Variants in CAPN7 observed in about 807,000 individuals in gnomAD.
The protein encoded by CAPN7 is calpain 7.
CAPN7 carries 72 observed loss-of-function variants against 115.2 expected under a neutral mutation model. The observed-to-expected ratio is 0.63, with a 90% CI of 0.52 to 0.76. CAPN7 has a LOEUF of 0.76. CAPN7 is among the 30% of genes least tolerant of loss of function. The probability of loss-of-function intolerance (pLI) is 0.00; values close to 1 mark genes in which losing one functional copy is unlikely to be tolerated. For synonymous variants in CAPN7, 344 were observed against 322.3 expected, an observed-to-expected ratio of 1.07 and a Z score of -0.72; for missense variants, 905 against 971.5, an observed-to-expected ratio of 0.93 and a Z score of 0.91.
At position 15,252,602 on chromosome 3, in the gene CAPN7, T is replaced by A. The variant is rs1696049954; in HGVS notation, c.*1342T>A. The A allele has an allele frequency of 6.6e-6, 1 of 152,158 alleles. No individual in the cohort carries two copies. Among genetic ancestry groups the A allele is most frequent in the Non-Finnish European group, 1.5e-5 (1 of 68,034 alleles). The allele number at this position is 152,158 out of a possible 1,614,324, so 9.4% of individuals were successfully genotyped here. ...TGATTTGAACCTGTTGTGGTAAAGA[T>A]CTTGTACAGGATGCAAACTAAAAAC... On this transcript the variant is annotated 3_prime_UTR_variant, in exon 21 of 21. Transcript: ENST00000253693.
At chr3:15,245,218 C>CT (rs1199911204) in intron 16 of CAPN7, among the ~76,000 whole-genome samples, 1 of 150,724 alleles carries the variant, frequency 6.6e-6, no homozygotes, top group African/African-American at 2.4e-5. Flanking sequence ...CTAATCCTGA[C>CT]TTTAAGATCC....
At position 15,247,311 on chromosome 3, in the gene CAPN7, C is replaced by T; in HGVS notation, c.2074-16C>T. On this transcript the variant is annotated splice_polypyrimidine_tract_variant and intron_variant, in intron 18 of 20. Coordinates refer to ENST00000253693, the MANE Select transcript of CAPN7 (RefSeq NM_014296.3). The stretch of plus-strand genomic sequence containing the variant: ...AAATGAAATTTTGTTAATACTAAAA[C>T]TTTTGTTTTTATTAGATTAATGGAA... 1 of 1,486,570 alleles carries T rather than the reference C, an allele frequency of 6.7e-7. No individual in the cohort carries two copies. 92.1% of individuals were successfully genotyped at this position (1,486,570 alleles called of 1,614,324 possible).
chr3:15,224,548 C>T (rs954066991), intron 6 of CAPN7, among the ~76,000 whole-genome samples: 1 of 151,896 alleles, frequency 6.6e-6, no homozygotes, highest in Non-Finnish European at 1.5e-5. Flanking sequence ...GCTGGGATTA[C>T]AGATGTGAGC....
intron 2 of CAPN7, 37 bp from the exon 3 acceptor site, chr3:15,217,388 A>G (rs763078779): frequency 1.3e-6 from 2 of 1,510,766 alleles, no homozygotes; most frequent in East Asian, 2.4e-5. Context: ...CTGTATTTAG[A>G]TAATACTCCT....
intron 6 of CAPN7, among the ~76,000 whole-genome samples, chr3:15,224,951 T>C (rs1048260263): frequency 6.6e-6 from 1 of 152,222 alleles, no homozygotes; most frequent in Non-Finnish European, 1.5e-5. Flanking sequence ...TGAGAAACTT[T>C]ATAGCATTAA....
intron 1 of CAPN7, chr3:15,211,059 G>A: frequency 2.1e-6 from 1 of 467,514 alleles, no homozygotes; most frequent in South Asian, 7.6e-5. Flanking sequence ...TGGAATAACT[G>A]GAAGAAGAAT....
rs1227516051 is a variant in CAPN7, at chr3:15,252,092, G to GA, written c.*833dup. ...AGAGAATTTAATATATGGTGATTGG[G>GA]ATATGTAGCATTCAAAAAAAGTGAA... On this transcript the variant is annotated 3_prime_UTR_variant, in exon 21 of 21. Coordinates refer to ENST00000253693, the MANE Select transcript of CAPN7 (RefSeq NM_014296.3). 13 of 152,668 alleles carry GA rather than the reference G, an allele frequency of 8.5e-5. No individual in the cohort carries two copies. Among genetic ancestry groups the GA allele is most frequent in the African/African-American group, 3.1e-4 (13 of 41,554 alleles). 9.5% of individuals were successfully genotyped at this position (152,668 alleles called of 1,614,324 possible). A position where few individuals can be genotyped will look rare whatever the true frequency, so the allele number is the denominator to read the frequency against.
chr3:15,243,668 C>T (rs1695485988), intron 16 of CAPN7, among the ~76,000 whole-genome samples: 1 of 152,028 alleles, frequency 6.6e-6, no homozygotes, highest in African/African-American at 2.4e-5. Context: ...AGGACAGTTC[C>T]ATCTATTGAT....
intron 12 of CAPN7, among the ~76,000 whole-genome samples, chr3:15,236,060 A>G (rs1481855710): frequency 6.6e-6 from 1 of 152,178 alleles, no homozygotes; most frequent in East Asian, 1.9e-4. Context: ...AATTCCAGCT[A>G]CTCAAGAGGC....
chr3:15,237,173 T>C (rs1201284969), intron 12 of CAPN7, among the ~76,000 whole-genome samples: 1 of 152,214 alleles, frequency 6.6e-6, no homozygotes, highest in African/African-American at 2.4e-5. Context: ...GGCTCTGTAA[T>C]AACAACTAGC....
intron 16 of CAPN7, 134 bp from the exon 17 acceptor site, chr3:15,245,392 C>T (rs1575246531): frequency 1.3e-6 from 1 of 743,540 alleles, no homozygotes; most frequent in Non-Finnish European, 2.1e-6. Context: ...AATTATAATT[C>T]ACTAATATCA....
intron 12 of CAPN7, among the ~76,000 whole-genome samples, chr3:15,239,568 A>G (rs1254648187): frequency 6.6e-6 from 1 of 152,246 alleles, no homozygotes. Context: ...GAAACAGTAT[A>G]AGATAGGATA....
In CAPN7 at chr3:15,251,446, A is replaced by G. The variant is rs1696000975; in HGVS notation, c.*186A>G. 3 of 491,802 alleles carry G rather than the reference A, an allele frequency of 6.1e-6. No individual in the cohort carries two copies. Among genetic ancestry groups the G allele is most frequent in the South Asian group, 3.7e-5 (1 of 26,770 alleles). 30.5% of individuals were successfully genotyped at this position (491,802 alleles called of 1,614,324 possible). On this transcript the variant is annotated 3_prime_UTR_variant, in exon 21 of 21. Coordinates refer to ENST00000253693, the MANE Select transcript of CAPN7 (RefSeq NM_014296.3). The stretch of plus-strand genomic sequence containing the variant: ...ACTGTATATAGTCAGAATTACCTAA[A>G]TCACCTAGAGGTACCGTTTACATGG...
chr3:15,216,680 GA>G (rs371280412), intron 2 of CAPN7, among the ~76,000 whole-genome samples: 242 of 151,912 alleles, frequency 1.6e-3, no homozygotes, highest in African/African-American at 5.3e-3. Flanking sequence ...TGTCTGTGCA[GA>G]AAAAAAAGTT....
intron 9 of CAPN7, among the ~76,000 whole-genome samples, chr3:15,231,210 T>C (rs917324393): frequency 6.6e-6 from 1 of 152,204 alleles, no homozygotes; most frequent in Admixed American, 6.5e-5. Flanking sequence ...AATTTTAGTA[T>C]GCACAGAATC....
rs560833060 is a variant in CAPN7 at position 15,251,948 on chromosome 3, T to G, written c.*688T>G. On this transcript the variant is annotated 3_prime_UTR_variant, in exon 21 of 21. Coordinates refer to ENST00000253693, the MANE Select transcript of CAPN7 (RefSeq NM_014296.3). The stretch of plus-strand genomic sequence containing the variant: ...AACTTAAAGAAATTCACTACTGCAG[T>G]TTTTATTTTTAAAAAACAGTAATTG... 1 of 152,342 alleles carries G rather than the reference T, an allele frequency of 6.6e-6. No homozygotes were observed. Among genetic ancestry groups the G allele is most frequent in the Non-Finnish European group, 1.5e-5 (1 of 68,018 alleles). 9.4% of individuals were successfully genotyped at this position (152,342 alleles called of 1,614,324 possible).
intron 4 of CAPN7, among the ~76,000 whole-genome samples, chr3:15,218,997 G>C (rs1693806015): frequency 6.6e-6 from 1 of 152,088 alleles, no homozygotes; most frequent in Non-Finnish European, 1.5e-5. Flanking sequence ...GTTTAAAATT[G>C]AATCTCCCCC....
intron 15 of CAPN7, 88 bp downstream of exon 15, chr3:15,241,676 G>T: frequency 9.0e-7 from 1 of 1,114,916 alleles, no homozygotes; most frequent in South Asian, 1.9e-5. Flanking sequence ...ACACCAGCCT[G>T]TTTAATTTAC....
chr3:15,241,332 T>A (rs13318255), intron 14 of CAPN7, 121 bp from the exon 15 acceptor site: 2 of 961,242 alleles, frequency 2.1e-6, no homozygotes, highest in East Asian at 4.9e-5. Context: ...GCCAAAAAAA[T>A]TTAAAAACAG....
Sources: gnomAD v4.1 joint callset for allele counts (sites outside exome capture counted in the v4.1 genomes callset) on GRCh38, gnomAD v4.1.1 for gene constraint, MANE v1.5 for transcripts, NCBI Gene and HGNC (gene_info 2026-07-23, HGNC 2026-07-21) for gene names.